LARGE1: variants seen among roughly 807,000 people sequenced by gnomAD.
LARGE1 encodes the protein xylosyl- and glucuronyltransferase LARGE1.
A neutral mutation model predicts 87.6 loss-of-function variants in LARGE1; 43 were observed. The ratio of observed to expected loss-of-function variants is 0.49; its 90% CI spans 0.38 to 0.63. The LOEUF (loss-of-function observed/expected upper bound fraction) is 0.63, where lower values mean the gene tolerates loss of function less well. LARGE1 is among the 30% of genes least tolerant of loss of function. The pLI, the probability that LARGE1 is intolerant of heterozygous loss-of-function variation, is 0.00. For missense variants in LARGE1, 802 were observed against 1,000.2 expected (o/e 0.80, Z 2.67); for synonymous variants, 434 against 394.6 (o/e 1.10, Z -1.18).
chr22:33,524,586 C>T (rs1275713087), intron 6 of LARGE1, among the ~76,000 whole-genome samples: 1 of 152,024 alleles, frequency 6.6e-6, no homozygotes, highest in Non-Finnish European at 1.5e-5. Flanking sequence ...TCTGAAATTA[C>T]ATCTGGTACC....
At chr22:33,710,219 G>C (rs2082692126) in intron 2 of LARGE1, among the ~76,000 whole-genome samples, 1 of 151,782 alleles carries the variant, frequency 6.6e-6, no homozygotes. Flanking sequence ...ACTTAAGAAT[G>C]CAGAATAATG....
At chr22:33,163,192 T>C (rs1260240373) in exon 12 of LARGE1, 1 of 152,238 alleles carries the variant, frequency 6.6e-6, no homozygotes, top group Non-Finnish European at 1.5e-5. Context: ...GCAGCCCTCA[T>C]TGTCCCCATG....
chr22:33,079,927 C>T, the LARGE1 span, among the ~76,000 whole-genome samples: 1 of 152,114 alleles, frequency 6.6e-6, no homozygotes, highest in African/African-American at 2.4e-5. Context: ...TGGCAGAGCA[C>T]AAGAGAGCTA....
chr22:33,167,962 C>T (rs954204292), intron 11 of LARGE1, among the ~76,000 whole-genome samples: 2 of 152,182 alleles, frequency 1.3e-5, no homozygotes, highest in Middle Eastern at 3.2e-3. Context: ...CACCCTCCTG[C>T]AAATATTTGA....
the LARGE1 span, chr22:33,105,608 C>T: frequency 6.6e-6 from 1 of 152,074 alleles, no homozygotes; most frequent in African/African-American, 2.4e-5. Context: ...CCTCCAGAAA[C>T]GTGGGGCTAA....
chr22:33,215,863 G>A (rs1925178666), intron 11 of LARGE1, among the ~76,000 whole-genome samples: 2 of 152,180 alleles, frequency 1.3e-5, no homozygotes, highest in South Asian at 4.1e-4. Flanking sequence ...GGCTGAGGCA[G>A]GAGAATCAGT....
At chr22:33,203,493 A>G (rs980693458) in intron 11 of LARGE1, among the ~76,000 whole-genome samples, 1 of 152,144 alleles carries the variant, frequency 6.6e-6, no homozygotes, top group Non-Finnish European at 1.5e-5. Context: ...GTCGATTCCC[A>G]GGTGTGCCCA....
At chr22:33,754,510 G>C (rs1484216772) in intron 2 of LARGE1, among the ~76,000 whole-genome samples, 1 of 151,666 alleles carries the variant, frequency 6.6e-6, no homozygotes, top group African/African-American at 2.4e-5. Flanking sequence ...TAATTTTTTT[G>C]TATTTTTAGT....
chr22:33,870,568 T>C (rs1390172443), intron 1 of LARGE1, among the ~76,000 whole-genome samples: 1 of 151,558 alleles, frequency 6.6e-6, no homozygotes, highest in African/African-American at 2.4e-5. Context: ...GTTGTTGTTG[T>C]TGTTGTTGTT....
chr22:33,089,321 T>TTCTTTCTTCTTC, the LARGE1 span, among the ~76,000 whole-genome samples: 1,828 of 86,914 alleles, frequency 0.021, 21 homozygotes, highest in Non-Finnish European at 0.025. Context: ...TTCTTTCTTC[T>TTCTTTCTTCTTC]TTCTTCTTCT....
intron 3 of LARGE1, among the ~76,000 whole-genome samples, chr22:33,640,418 C>T (rs2080392772): frequency 6.6e-6 from 1 of 152,318 alleles, no homozygotes; most frequent in South Asian, 2.1e-4. Context: ...TTAACATGAT[C>T]AGTAAACACA....
intron 1 of LARGE1, among the ~76,000 whole-genome samples, chr22:33,809,213 G>A (rs377620298): frequency 2.6e-5 from 4 of 151,866 alleles, no homozygotes; most frequent in South Asian, 2.1e-4. Flanking sequence ...CAGAGGCTGC[G>A]GTGAGCCGAG....
intron 6 of LARGE1, among the ~76,000 whole-genome samples, chr22:33,452,647 C>A (rs1284975660): frequency 6.6e-6 from 1 of 152,132 alleles, no homozygotes; most frequent in South Asian, 2.1e-4. Context: ...GAAGGCCACA[C>A]GGTGGATTTG....
intron 11 of LARGE1, among the ~76,000 whole-genome samples, chr22:33,307,578 T>C (rs770694302): frequency 9.2e-5 from 14 of 152,140 alleles, no homozygotes; most frequent in Non-Finnish European, 2.1e-4. Flanking sequence ...CTCTCAAACA[T>C]GTCTTCACCT....
chr22:33,240,465 C>T (rs1230241531), intron 11 of LARGE1, among the ~76,000 whole-genome samples: 1 of 152,068 alleles, frequency 6.6e-6, no homozygotes, highest in Non-Finnish European at 1.5e-5. Flanking sequence ...TGACTTGGTG[C>T]CTTGGCCAAA....
intron 1 of LARGE1, among the ~76,000 whole-genome samples, chr22:33,876,861 G>GA (rs548725379): frequency 2.5e-3 from 357 of 142,218 alleles, no homozygotes; most frequent in African/African-American, 8.1e-3. Context: ...AAATGTACTG[G>GA]AAAAAAAAAA....
At chr22:33,488,793 C>T (rs1427656442) in intron 6 of LARGE1, among the ~76,000 whole-genome samples, 1 of 152,132 alleles carries the variant, frequency 6.6e-6, no homozygotes, top group Non-Finnish European at 1.5e-5. Context: ...TTGTAATATT[C>T]CAAGATGCAA....
intron 9 of LARGE1, among the ~76,000 whole-genome samples, chr22:33,342,741 A>G (rs1171872113): frequency 6.6e-6 from 1 of 152,120 alleles, no homozygotes; most frequent in Admixed American, 6.6e-5. Flanking sequence ...GCATCTGTCT[A>G]GTTTGTGTAT....
At chr22:33,308,003 T>C (rs1417916866) in intron 11 of LARGE1, among the ~76,000 whole-genome samples, 5 of 152,102 alleles carry the variant, frequency 3.3e-5, no homozygotes, top group Admixed American at 2.6e-4. Context: ...CTCTGTCCCA[T>C]GTTGGTTCCC....
Sources: allele counts gnomAD v4.1 joint callset (sites outside exome capture counted in the v4.1 genomes callset), GRCh38; gene constraint gnomAD v4.1.1; transcripts MANE v1.5; gene names NCBI Gene and HGNC (gene_info 2026-07-23, HGNC 2026-07-21).